The following SCN9A variants were observed in gnomAD, a reference collection of about 807,000 sequenced individuals.
SCN9A encodes the protein sodium voltage-gated channel alpha subunit 9, also known as sodium channel protein type 9 subunit alpha.
In SCN9A, 131 loss-of-function variants were observed where a neutral mutation model predicts 187.0. The ratio of observed to expected loss-of-function variants is 0.70; its 90% CI spans 0.61 to 0.81. SCN9A has a LOEUF of 0.81. Ranked by LOEUF, SCN9A falls within the 30% of genes least tolerant of loss-of-function variation. The pLI, the probability that SCN9A is intolerant of heterozygous loss-of-function variation, is 0.00. For missense variants in SCN9A, 2,252 were observed against 2,396.6 expected, an observed-to-expected ratio of 0.94 and a Z score of 1.26; for synonymous variants, 809 against 808.6, an observed-to-expected ratio of 1.00 and a Z score of -0.01.
chr2:166,345,254 G>A (rs1230824180), intron 1 of SCN9A, among the ~76,000 whole-genome samples: 2 of 151,996 alleles, frequency 1.3e-5, no homozygotes, highest in Non-Finnish European at 2.9e-5. Flanking sequence ...CTATTTTTAG[G>A]ATTTCTTCAG....
chr2:166,288,515 G>A lies in SCN9A; in HGVS notation c.1236C>T (p.Asn412=). 1 of 1,613,252 alleles carries A rather than the reference G, an allele frequency of 6.2e-7. No homozygotes were observed. The highest frequency in any genetic ancestry group is 8.5e-7 in the Non-Finnish European group (1 of 1,179,488). Residue 412 remains asparagine, a synonymous_variant, in exon 10 of 27, where the codon AAC becomes AAT. Transcript: ENST00000642356. ...AMAYEEQNQA[N]IEEAKQKELE... ...ATTCTTTCTGTTTAGCTTCTTCAAT[G>A]TTTGCCTGGTTCTGTTCTTCATATG... is the stretch of plus-strand genomic sequence containing the variant.
At chr2:166,274,275 T>TCA (rs1188173526) in intron 16 of SCN9A, among the ~76,000 whole-genome samples, 5 of 152,098 alleles carry the variant, frequency 3.3e-5, no homozygotes, top group African/African-American at 4.8e-5. Flanking sequence ...GTATCACAAA[T>TCA]CAAAATAAAG....
intron 1 of SCN9A, among the ~76,000 whole-genome samples, chr2:166,373,584 AC>A (rs1260767625): frequency 3.3e-5 from 5 of 152,298 alleles, no homozygotes; most frequent in Non-Finnish European, 7.4e-5. Flanking sequence ...AGATCTACTT[AC>A]AGGCTGGAAA....
chr2:166,352,956 T>C (rs1337572848), intron 1 of SCN9A, among the ~76,000 whole-genome samples: 1 of 152,146 alleles, frequency 6.6e-6, no homozygotes, highest in Non-Finnish European at 1.5e-5. Flanking sequence ...ATAAACTGTT[T>C]TCTCTAAACC....
At chr2:166,216,581 C>G (rs1488710418) in intron 24 of SCN9A, among the ~76,000 whole-genome samples, 1 of 151,930 alleles carries the variant, frequency 6.6e-6, no homozygotes, top group African/African-American at 2.4e-5. Context: ...CATTTCTATA[C>G]ATTAACAATG....
At chr2:166,307,287 T>C (rs1698794202) in intron 2 of SCN9A, among the ~76,000 whole-genome samples, 1 of 152,210 alleles carries the variant, frequency 6.6e-6, no homozygotes, top group South Asian at 2.1e-4. Flanking sequence ...ACTTTAAAAA[T>C]TGAGCTATTT....
At chr2:166,283,889 A>C (rs1425889103) in intron 12 of SCN9A, among the ~76,000 whole-genome samples, 4 of 152,180 alleles carry the variant, frequency 2.6e-5, no homozygotes, top group African/African-American at 9.6e-5. Flanking sequence ...TTAGCTGAGT[A>C]AATTGGGGCA....
chr2:166,212,998 C>T (rs1694162752), intron 24 of SCN9A, among the ~76,000 whole-genome samples: 1 of 151,784 alleles, frequency 6.6e-6, no homozygotes, highest in African/African-American at 2.4e-5. Context: ...GTAATAAAAG[C>T]AAATCTTATT....
intron 1 of SCN9A, among the ~76,000 whole-genome samples, chr2:166,328,157 G>C (rs941350156): frequency 6.6e-6 from 1 of 152,136 alleles, no homozygotes; most frequent in South Asian, 2.1e-4. Context: ...TATTATTCTA[G>C]AGTGAAGGAA....
intron 2 of SCN9A, among the ~76,000 whole-genome samples, chr2:166,309,482 A>T (rs1698871216): frequency 6.6e-6 from 1 of 152,214 alleles, no homozygotes. Context: ...TATACTAAAC[A>T]TTATACTAAA....
chr2:166,321,032 T>A (rs1699225067), intron 1 of SCN9A, among the ~76,000 whole-genome samples: 1 of 152,208 alleles, frequency 6.6e-6, no homozygotes, highest in East Asian at 1.9e-4. Context: ...GAACCCTCCA[T>A]TTGATTTTGT....
At chr2:166,287,879 G>A (rs1355114283) in intron 10 of SCN9A, among the ~76,000 whole-genome samples, 1 of 150,474 alleles carries the variant, frequency 6.6e-6, no homozygotes, top group African/African-American at 2.4e-5. Flanking sequence ...TAATTTTAAC[G>A]TTAAAATAAT....
At chr2:166,288,389 C>A in intron 10 of SCN9A, 48 bp downstream of exon 10, 1 of 1,475,728 alleles carries the variant, frequency 6.8e-7, no homozygotes, top group Non-Finnish European at 9.4e-7. Context: ...CTGTTGTAAC[C>A]GTTTGCATTT....
intron 17 of SCN9A, among the ~76,000 whole-genome samples, chr2:166,269,974 G>GTTA (rs1696904434): frequency 6.6e-6 from 1 of 151,966 alleles, no homozygotes; most frequent in Non-Finnish European, 1.5e-5. Flanking sequence ...AGGTGACTGA[G>GTTA]TTAGTTTCCC....
At chr2:166,303,944 T>G in intron 6 of SCN9A, 1 of 1,289,388 alleles carries the variant, frequency 7.8e-7, no homozygotes, top group South Asian at 1.3e-5. Context: ...GAAATCAAAT[T>G]TAATTAAAAT....
At chr2:166,322,582 C>A (rs961690031) in intron 1 of SCN9A, among the ~76,000 whole-genome samples, 2 of 152,122 alleles carry the variant, frequency 1.3e-5, no homozygotes, top group African/African-American at 4.8e-5. Flanking sequence ...AACACGTATT[C>A]ATGGAGCTCA....
chr2:166,272,471 AG>A lies in SCN9A; in HGVS notation c.3278del (p.Pro1093LeufsTer9). 1 of 1,612,648 alleles carries A rather than the reference AG, an allele frequency of 6.2e-7. No homozygotes were observed. On this transcript the variant is annotated frameshift_variant, in exon 17 of 27. Coordinates refer to ENST00000642356, the MANE Select transcript of SCN9A (RefSeq NM_001365536.1). LOFTEE classifies it high-confidence loss of function. The part of the protein sequence containing the change: ...PSLTVTVPIA[P>X]GESDLENMNA... ...TCATATTTTCCAAATCGGATTCCCC[AG>A]GTGCAATTGGCACTGTCACTGTGAG...
chr2:166,281,824 A>G lies in SCN9A; in HGVS notation c.1975-16T>C, dbSNP rs756664379. 3.7e-6 allele frequency: 6 copies of G among 1,601,904 alleles called. No homozygotes were observed. The highest frequency in any genetic ancestry group is 2.7e-5 in the African/African-American group (2 of 74,098). The stretch of plus-strand genomic sequence containing the variant: ...TGGTCGTGCCCTAAAAAAAAAATCA[A>G]TTAATGTCTTAAGAACAGAATCCTA... On this transcript the variant is annotated splice_polypyrimidine_tract_variant and intron_variant, in intron 12 of 26. Transcript: ENST00000642356.
intron 1 of SCN9A, among the ~76,000 whole-genome samples, chr2:166,362,954 C>G (rs777546243): frequency 1.6e-4 from 25 of 151,782 alleles, no homozygotes; most frequent in Non-Finnish European, 2.9e-4. Flanking sequence ...ACTTAGTGAC[C>G]TGGAGTTTCC....
Sources: gnomAD v4.1 joint callset for allele counts (sites outside exome capture counted in the v4.1 genomes callset) on GRCh38, gnomAD v4.1.1 for gene constraint, MANE v1.5 for transcripts, NCBI Gene and HGNC (gene_info 2026-07-23, HGNC 2026-07-21) for gene names.